Variants in AP2B1 observed in about 807,000 individuals in gnomAD.
AP2B1 encodes the protein adaptor related protein complex 2 subunit beta 1.
AP2B1 carries 23 observed loss-of-function variants against 102.0 expected under a neutral mutation model. That is an observed-to-expected ratio of 0.23 (90% CI 0.16 to 0.32). The LOEUF is 0.32. Among genes scored for constraint, AP2B1 ranks in the 10% least tolerant of loss-of-function variants. The pLI is 1.00. For missense variants in AP2B1, 541 were observed against 1,157.4 expected (o/e 0.47, Z 7.73); for synonymous variants, 381 against 421.2 (o/e 0.90, Z 1.17).
intron 5 of AP2B1, among the ~76,000 whole-genome samples, chr17:35,614,246 G>A (rs775938566): frequency 6.6e-6 from 1 of 152,062 alleles, no homozygotes; most frequent in African/African-American, 2.4e-5. Context: ...CACCCAGGCT[G>A]GTGTGCAATG....
chr17:35,690,885 T>C (rs1259881136), intron 18 of AP2B1, among the ~76,000 whole-genome samples: 2 of 152,216 alleles, frequency 1.3e-5, no homozygotes, highest in Non-Finnish European at 2.9e-5. Context: ...AGAGGTCTGA[T>C]AGCACCTTAA....
intron 3 of AP2B1, among the ~76,000 whole-genome samples, chr17:35,603,229 C>T (rs1484534604): frequency 2.0e-5 from 3 of 152,154 alleles, no homozygotes; most frequent in South Asian, 4.1e-4. Flanking sequence ...TGTGGAAATA[C>T]ACCTACATTT....
chr17:35,706,817 A>G (rs587738843), intron 18 of AP2B1, among the ~76,000 whole-genome samples: 1 of 151,370 alleles, frequency 6.6e-6, no homozygotes, highest in African/African-American at 2.4e-5. Context: ...ATATATATAT[A>G]TTTTTTTGTA....
chr17:35,625,362 A>T (rs1350467346), intron 6 of AP2B1, among the ~76,000 whole-genome samples: 1 of 152,232 alleles, frequency 6.6e-6, no homozygotes, highest in East Asian at 1.9e-4. Flanking sequence ...ATCTTCACTT[A>T]TCTGGGAAAT....
chr17:35,708,681 A>T (rs2076391795), intron 18 of AP2B1, among the ~76,000 whole-genome samples: 1 of 152,216 alleles, frequency 6.6e-6, no homozygotes, highest in South Asian at 2.1e-4. Context: ...AATAAAAAAT[A>T]AGAGATAGTA....
intron 5 of AP2B1, among the ~76,000 whole-genome samples, chr17:35,621,900 A>G (rs1298279475): frequency 6.6e-6 from 1 of 152,118 alleles, no homozygotes; most frequent in African/African-American, 2.4e-5. Context: ...TTTCACTGAC[A>G]GAAGTGGTAA....
At chr17:35,707,634 G>C (rs894473705) in intron 18 of AP2B1, among the ~76,000 whole-genome samples, 1 of 151,612 alleles carries the variant, frequency 6.6e-6, no homozygotes, top group African/African-American at 2.4e-5. Context: ...TGTATTTTTG[G>C]TAGAGACGGG....
intron 12 of AP2B1, among the ~76,000 whole-genome samples, chr17:35,645,532 A>G (rs2074907175): frequency 6.6e-6 from 1 of 152,198 alleles, no homozygotes; most frequent in African/African-American, 2.4e-5. Context: ...AATTCAATAC[A>G]ATATTCAGTT....
At chr17:35,673,599 G>A (rs16971277) in intron 16 of AP2B1, among the ~76,000 whole-genome samples, 19,328 of 152,204 alleles carry the variant, frequency 0.13, 1,282 homozygotes, top group Middle Eastern at 0.16. Flanking sequence ...TAGGCATTCA[G>A]ATTATATGAG....
chr17:35,627,106 A>G (rs2074335227), intron 7 of AP2B1, among the ~76,000 whole-genome samples: 1 of 152,126 alleles, frequency 6.6e-6, no homozygotes, highest in East Asian at 1.9e-4. Context: ...CCTGGTTGAT[A>G]TGGTTCAGGC....
chr17:35,640,681 C>G (rs1802415574), intron 11 of AP2B1, among the ~76,000 whole-genome samples: 1 of 152,214 alleles, frequency 6.6e-6, no homozygotes, highest in African/African-American at 2.4e-5. Flanking sequence ...CTCAGTAGGT[C>G]TGAGATGTGC....
At chr17:35,662,692 C>T (rs1347360572) in intron 14 of AP2B1, among the ~76,000 whole-genome samples, 1 of 152,004 alleles carries the variant, frequency 6.6e-6, no homozygotes, top group Non-Finnish European at 1.5e-5. Flanking sequence ...GTTATGTGCT[C>T]ATGAGTCTGA....
chr17:35,636,527 T>C (rs1290894957), intron 10 of AP2B1, 71 bp downstream of exon 10: 16 of 1,132,390 alleles, frequency 1.4e-5, no homozygotes, highest in Admixed American at 1.9e-5. Flanking sequence ...TGAAATTGCC[T>C]AGGTAAGAAT....
intron 4 of AP2B1, among the ~76,000 whole-genome samples, chr17:35,606,181 A>G (rs185251444): frequency 2.5e-3 from 377 of 152,180 alleles, no homozygotes; most frequent in South Asian, 8.1e-3. Context: ...AGTCAGCAGT[A>G]GTGGAGACTG....
intron 20 of AP2B1, among the ~76,000 whole-genome samples, chr17:35,711,872 C>T (rs2143008869): frequency 6.6e-6 from 1 of 152,282 alleles, no homozygotes; most frequent in Non-Finnish European, 1.5e-5. Flanking sequence ...TAGTGATCAG[C>T]TTTATCCTGT....
chr17:35,668,086 C>T (rs988244129), intron 14 of AP2B1, among the ~76,000 whole-genome samples: 3 of 151,820 alleles, frequency 2.0e-5, no homozygotes, highest in African/African-American at 7.3e-5. Context: ...TACAGGTTCC[C>T]GTCACCAGGC....
At chr17:35,622,704 G>A (rs764096521) in intron 5 of AP2B1, among the ~76,000 whole-genome samples, 43 of 152,194 alleles carry the variant, frequency 2.8e-4, no homozygotes, top group Non-Finnish European at 5.1e-4. Context: ...TCACTCTGTC[G>A]CCCAAGCTGG....
intron 21 of AP2B1, among the ~76,000 whole-genome samples, chr17:35,719,276 G>A (rs1275898718): frequency 6.6e-6 from 1 of 152,068 alleles, no homozygotes; most frequent in East Asian, 1.9e-4. Context: ...GGGATTGGTA[G>A]TGGATAGTAC....
chr17:35,665,734 G>A (rs2075451175), intron 14 of AP2B1, among the ~76,000 whole-genome samples: 1 of 152,170 alleles, frequency 6.6e-6, no homozygotes, highest in African/African-American at 2.4e-5. Context: ...AAATAAAAGA[G>A]ACACTAGCTC....
Sources: gnomAD v4.1 joint callset for allele counts (sites outside exome capture counted in the v4.1 genomes callset) on GRCh38, gnomAD v4.1.1 for gene constraint, MANE v1.5 for transcripts, NCBI Gene and HGNC (gene_info 2026-07-23, HGNC 2026-07-21) for gene names.